The following DNAH3 variants were observed in gnomAD, a reference collection of about 807,000 sequenced individuals.
DNAH3 encodes dynein axonemal heavy chain 3.
DNAH3 carries 332 observed loss-of-function variants against 432.5 expected under a neutral mutation model. The ratio of observed to expected loss-of-function variants is 0.77; its 90% CI spans 0.70 to 0.84. The LOEUF (loss-of-function observed/expected upper bound fraction) is 0.84, where lower values mean the gene tolerates loss of function less well. Ranked by LOEUF, DNAH3 falls within the 40% of genes least tolerant of loss-of-function variation. The pLI, the probability that DNAH3 is intolerant of heterozygous loss-of-function variation, is 0.00. For missense variants in DNAH3, 4,861 were observed against 5,114.0 expected, an observed-to-expected ratio of 0.95 and a Z score of 1.51; for synonymous variants, 1,956 against 1,900.2, an observed-to-expected ratio of 1.03 and a Z score of -0.76.
intron 19 of DNAH3, 83 bp downstream of exon 19, chr16:21,086,766 A>T: frequency 8.3e-7 from 1 of 1,207,062 alleles, no homozygotes; most frequent in African/African-American, 1.5e-5. Flanking sequence ...AGCTTGACCT[A>T]GTAATGTTTC....
At chr16:20,972,392 A>G (rs537585473) in intron 51 of DNAH3, among the ~76,000 whole-genome samples, 3 of 152,046 alleles carry the variant, frequency 2.0e-5, no homozygotes, top group Non-Finnish European at 4.4e-5. Context: ...GCACCTGACC[A>G]ATTTTTTTCT....
At chr16:21,072,299 G>T (rs1016746070) in intron 21 of DNAH3, among the ~76,000 whole-genome samples, 1 of 152,002 alleles carries the variant, frequency 6.6e-6, no homozygotes, top group Non-Finnish European at 1.5e-5. Flanking sequence ...CAACGTGCAG[G>T]TTGGTTACAT....
At chr16:20,968,566 T>G (rs981033520) in intron 52 of DNAH3, among the ~76,000 whole-genome samples, 1 of 152,172 alleles carries the variant, frequency 6.6e-6, no homozygotes, top group African/African-American at 2.4e-5. Flanking sequence ...CACCTGTTAA[T>G]GTTTCTAGGC....
At chr16:21,070,107 C>T (rs945101455) in intron 22 of DNAH3, among the ~76,000 whole-genome samples, 4 of 152,102 alleles carry the variant, frequency 2.6e-5, no homozygotes, top group Admixed American at 6.6e-5. Context: ...AGGCCAAACC[C>T]CTATCTTCGG....
At chr16:20,954,493 T>C (rs966001134) in intron 55 of DNAH3, among the ~76,000 whole-genome samples, 7 of 151,864 alleles carry the variant, frequency 4.6e-5, no homozygotes, top group Middle Eastern at 3.2e-3. Flanking sequence ...TTTTACCATG[T>C]TACCCAGGCT....
chr16:21,049,528 A>G, intron 31 of DNAH3, 41 bp downstream of exon 31: 2 of 1,564,524 alleles, frequency 1.3e-6, no homozygotes, highest in Non-Finnish European at 8.8e-7. Flanking sequence ...AAGCCCCTCC[A>G]TGCACAGCTT....
chr16:21,157,225 A>C (rs528358516), intron 1 of DNAH3, among the ~76,000 whole-genome samples: 1 of 152,140 alleles, frequency 6.6e-6, no homozygotes, highest in South Asian at 2.1e-4. Context: ...ATAAATCATC[A>C]TCCCAAGCAA....
At chr16:21,091,966 A>T (rs79650648) in intron 18 of DNAH3, among the ~76,000 whole-genome samples, 6,673 of 152,328 alleles carry the variant, frequency 0.044, 212 homozygotes, top group East Asian at 0.18. Context: ...AAATCAAAGA[A>T]GATATAAATA....
At position 21,141,219 on chromosome 16, in the gene DNAH3, C is replaced by T. The variant is rs540933840; in HGVS notation, c.521+81G>A. On this transcript the variant is annotated intron_variant, in intron 4 of 61. Transcript: ENST00000261383. ...CTGGGAATGCTTTGAAGCCAAGAAG[C>T]AGAGTGTGGCTTTAGTGAGACCACA... 25 of 915,828 alleles carry T rather than the reference C, an allele frequency of 2.7e-5. No individual in the cohort carries two copies. In the South Asian group the frequency reaches 3.8e-4, roughly 14 times the overall value. The allele number at this position is 915,828 out of a possible 1,614,324, so 56.7% of individuals were successfully genotyped here.
intron 9 of DNAH3, among the ~76,000 whole-genome samples, chr16:21,122,800 CTGTT>C (rs1222276335): frequency 1.3e-5 from 2 of 151,064 alleles, no homozygotes; most frequent in Non-Finnish European, 3.0e-5. Flanking sequence ...TCTACTTCCT[CTGTT>C]TTTTTTTTAA....
intron 53 of DNAH3, among the ~76,000 whole-genome samples, chr16:20,961,553 G>A (rs927194400): frequency 2.7e-5 from 4 of 147,794 alleles, no homozygotes; most frequent in South Asian, 2.2e-4. Context: ...AATAAAATGC[G>A]TTCATTAGAG....
exon 53 of DNAH3, chr16:20,964,626 C>T: frequency 6.2e-7 from 1 of 1,614,134 alleles, no homozygotes; most frequent in Non-Finnish European, 8.5e-7. Flanking sequence ...TATTGGCCTG[C>T]CCGTGAGGGT....
intron 17 of DNAH3, among the ~76,000 whole-genome samples, 154 bp from the exon 18 acceptor site, chr16:21,097,653 G>C (rs2091723716): frequency 6.6e-6 from 1 of 152,152 alleles, no homozygotes; most frequent in Admixed American, 6.6e-5. Flanking sequence ...ATGAACTCAA[G>C]CAAGAATGTC....
intron 41 of DNAH3, among the ~76,000 whole-genome samples, chr16:21,012,340 C>T (rs905380309): frequency 5.3e-5 from 8 of 151,988 alleles, no homozygotes; most frequent in African/African-American, 1.9e-4. Context: ...AAAAACAAAA[C>T]AGAAACAAAA....
chr16:21,081,566 A>G (rs1268663565), intron 20 of DNAH3, 70 bp downstream of exon 20: 2 of 1,315,740 alleles, frequency 1.5e-6, no homozygotes, highest in African/African-American at 1.5e-5. Flanking sequence ...TATGGAGCCA[A>G]TCAGATCACT....
chr16:20,968,516 A>G (rs1222970624), intron 52 of DNAH3, among the ~76,000 whole-genome samples: 1 of 152,218 alleles, frequency 6.6e-6, no homozygotes, highest in African/African-American at 2.4e-5. Flanking sequence ...CTTAATGCAA[A>G]GTCCTACACC....
chr16:21,134,282 C>CA lies in DNAH3; in HGVS notation c.1058_1059insT (p.Arg353SerfsTer77), dbSNP rs755139938. On this transcript the variant is annotated frameshift_variant, in exon 7 of 62. Transcript: ENST00000261383. LOFTEE classifies it high-confidence loss of function. ...ACTCTGCAAACCACAGTTCTTTCAG[C>CA]CTGAGCATCATGGGGTTCACCGTGT... The CA allele has an allele frequency of 6.2e-7, 1 of 1,612,820 alleles. No homozygotes were observed. Among genetic ancestry groups the CA allele is most frequent in the South Asian group, 1.1e-5 (1 of 90,694 alleles).
intron 10 of DNAH3, among the ~76,000 whole-genome samples, chr16:21,121,429 G>A (rs574438610): frequency 1.3e-5 from 2 of 152,252 alleles, no homozygotes; most frequent in Admixed American, 6.5e-5. Flanking sequence ...GCACACAGAA[G>A]AGTGAAACTT....
At position 21,075,545 on chromosome 16, in the gene DNAH3, C is replaced by T. The variant is rs1222085158; in HGVS notation, c.2986G>A (p.Ala996Thr). The T allele has an allele frequency of 4.3e-6, 7 of 1,613,544 alleles. No homozygotes were observed. In the East Asian group the frequency reaches 1.3e-4, roughly 31 times the overall value. ...AGAGAGTATTCCTTGCTGGCAGCTG[C>T]ACCAATGGGCTCCAATCTAAAGAGA... Residue 996 changes from alanine to threonine, a missense_variant, in exon 21 of 62, where the codon GCA (alanine) becomes ACA (threonine). By Grantham distance (58) the Ala-to-Thr change is moderately conservative. Coordinates refer to ENST00000261383, the Ensembl canonical transcript of DNAH3.
Sources: allele counts gnomAD v4.1 joint callset (sites outside exome capture counted in the v4.1 genomes callset), GRCh38; gene constraint gnomAD v4.1.1; transcripts MANE v1.5; gene names NCBI Gene and HGNC (gene_info 2026-07-23, HGNC 2026-07-21).